PAGE2B: variants seen among roughly 807,000 people sequenced by gnomAD.
PAGE2B encodes the protein PAGE family member 2B.
In PAGE2B, 5 loss-of-function variants were observed where a neutral mutation model predicts 7.6. The ratio of observed to expected loss-of-function variants is 0.66; its 90% confidence interval spans 0.34 to 1.38. The LOEUF is 1.38. Among genes scored for constraint, PAGE2B ranks in the 40% most tolerant of loss-of-function variants. The pLI is 0.04. For synonymous variants in PAGE2B, 29 were observed against 26.7 expected (o/e 1.09, Z -0.27); for missense variants, 70 against 78.4 (o/e 0.89, Z 0.41).
At chrX:55,058,707 C>G in the PAGE2B span, among the ~76,000 whole-genome samples, 2 of 111,371 alleles carry the variant, frequency 1.8e-5, no homozygotes, top group Non-Finnish European at 3.8e-5. Flanking sequence ...GATGTAGATA[C>G]TATTACTATC....
the PAGE2B span, among the ~76,000 whole-genome samples, chrX:55,038,232 TA>T: frequency 3.6e-4 from 40 of 110,219 alleles, no homozygotes; most frequent in Middle Eastern, 4.7e-3. Context: ...TCATAATATG[TA>T]AAAAAAATTT....
At chrX:55,076,156 T>G in intron 2 of PAGE2B, 31 bp downstream of exon 2, 2 of 1,176,951 alleles carry the variant, frequency 1.7e-6, no homozygotes, top group Non-Finnish European at 2.3e-6. Context: ...TGTTTCCTAT[T>G]AACACAATTT....
chrX:55,041,211 A>G, the PAGE2B span, among the ~76,000 whole-genome samples: 1 of 105,230 alleles, frequency 9.5e-6, no homozygotes, highest in African/African-American at 3.5e-5. Flanking sequence ...CCTCCTGAGT[A>G]GCTGGGACTA....
the PAGE2B span, among the ~76,000 whole-genome samples, chrX:55,037,741 T>TG: frequency 9.1e-6 from 1 of 109,892 alleles, no homozygotes; most frequent in Non-Finnish European, 1.9e-5. Context: ...GATGAGTTCA[T>TG]TTCTTTGTAG....
the PAGE2B span, chrX:55,055,335 G>A: frequency 3.8e-5 from 4 of 104,464 alleles, no homozygotes; most frequent in South Asian, 4.4e-4. Context: ...CAGCCTGGGC[G>A]ACAGAGTAAG....
the PAGE2B span, among the ~76,000 whole-genome samples, chrX:55,036,659 G>A: frequency 9.1e-6 from 1 of 110,468 alleles, no homozygotes; most frequent in East Asian, 2.8e-4. Context: ...TATACTACAA[G>A]GCTACAGTAA....
chrX:55,051,107 T>G, the PAGE2B span, among the ~76,000 whole-genome samples: 253 of 111,664 alleles, frequency 2.3e-3, no homozygotes, highest in Non-Finnish European at 3.9e-3. Context: ...GATTGAAAAT[T>G]CTTTTCTTTA....
the PAGE2B span, among the ~76,000 whole-genome samples, chrX:55,048,665 G>C: frequency 2.7e-5 from 3 of 111,956 alleles, no homozygotes; most frequent in East Asian, 5.6e-4. Flanking sequence ...TGTATCCTGA[G>C]ACTTTGCTGA....
upstream of PAGE2B, among the ~76,000 whole-genome samples, chrX:55,074,121 G>A (rs1208869485): frequency 9.0e-6 from 1 of 111,107 alleles, no homozygotes; most frequent in Non-Finnish European, 1.9e-5. Context: ...TCATTGTGTG[G>A]GATATGTTAA....
At chrX:55,056,190 ACT>A in the PAGE2B span, among the ~76,000 whole-genome samples, 17 of 110,961 alleles carry the variant, frequency 1.5e-4, no homozygotes, top group Non-Finnish European at 3.0e-4. Flanking sequence ...CCTTTCAATT[ACT>A]CTGTTTCCCA....
the PAGE2B span, among the ~76,000 whole-genome samples, chrX:55,057,064 G>C: frequency 9.5e-4 from 106 of 111,455 alleles, 2 homozygotes; most frequent in Admixed American, 9.9e-3. Context: ...TACACAGGTG[G>C]GATTAATTTT....
At chrX:55,051,078 G>T in the PAGE2B span, among the ~76,000 whole-genome samples, 1 of 111,101 alleles carries the variant, frequency 9.0e-6, no homozygotes, top group African/African-American at 3.3e-5. Context: ...AGCTTAGTTT[G>T]GCTGGATATG....
At chrX:55,075,244 C>T (rs1936493313) in intron 1 of PAGE2B, 130 bp downstream of exon 1, 2 of 137,490 alleles carry the variant, frequency 1.5e-5, no homozygotes, top group Admixed American at 9.1e-5. Context: ...GGTCGTCGTC[C>T]GGCCCCTCCC....
chrX:55,038,824 ATGGTAACC>A, the PAGE2B span, among the ~76,000 whole-genome samples: 1 of 111,508 alleles, frequency 9.0e-6, no homozygotes, highest in Non-Finnish European at 1.9e-5. Context: ...GTGTGAGTTG[ATGGTAACC>A]TGGAATAAGG....
the PAGE2B span, among the ~76,000 whole-genome samples, chrX:55,058,656 T>C: frequency 9.0e-6 from 1 of 111,254 alleles, no homozygotes; most frequent in East Asian, 2.8e-4. Flanking sequence ...TAGGCTTGCT[T>C]TCCATGCAAT....
upstream of PAGE2B, among the ~76,000 whole-genome samples, chrX:55,074,876 G>T (rs748230034): frequency 8.9e-6 from 1 of 112,629 alleles, no homozygotes; most frequent in African/African-American, 3.2e-5. Context: ...AGCGCTGGTG[G>T]TTTAGGTTCT....
the PAGE2B span, among the ~76,000 whole-genome samples, chrX:55,028,247 A>T: frequency 9.0e-6 from 1 of 110,898 alleles, no homozygotes; most frequent in Non-Finnish European, 1.9e-5. Flanking sequence ...ACCACTCCCC[A>T]AGCTGAGACC....
chrX:55,052,492 T>G, the PAGE2B span, among the ~76,000 whole-genome samples: 1 of 112,318 alleles, frequency 8.9e-6, no homozygotes, highest in Admixed American at 9.4e-5. Context: ...GTTTACCTAC[T>G]GAAGCCTGGG....
chrX:55,038,757 T>C, the PAGE2B span, among the ~76,000 whole-genome samples: 3 of 111,945 alleles, frequency 2.7e-5, no homozygotes, highest in African/African-American at 9.7e-5. Flanking sequence ...AATATTCTTA[T>C]ATTTAGTATT....
Sources: gnomAD v4.1 joint callset for allele counts (sites outside exome capture counted in the v4.1 genomes callset) on GRCh38, gnomAD v4.1.1 for gene constraint, MANE v1.5 for transcripts, NCBI Gene and HGNC (gene_info 2026-07-23, HGNC 2026-07-21) for gene names.